Variants in USF3 observed in about 807,000 individuals in gnomAD.
USF3 encodes upstream transcription factor family member 3, also known as basic helix-loop-helix domain-containing protein USF3.
Under a neutral mutation model 157.5 loss-of-function variants are expected in USF3, and 29 were observed. That is an observed-to-expected ratio of 0.18 (90% CI 0.14 to 0.25). The LOEUF (loss-of-function observed/expected upper bound fraction) is 0.25. USF3 is among the 10% of genes least tolerant of loss of function. The pLI, the probability that USF3 is intolerant of heterozygous loss-of-function variation, is 1.00. For synonymous variants in USF3, 893 were observed against 941.4 expected (o/e 0.95, Z 0.94); for missense variants, 2,381 against 2,667.6 (o/e 0.89, Z 2.37).
rs1947344362 is a variant in USF3 at position 113,655,732 on chromosome 3, C to T, written c.5950G>A (p.Asp1984Asn). The T allele has an allele frequency of 1.2e-6, 2 of 1,613,840 alleles. No homozygotes were observed. Among genetic ancestry groups the T allele is most frequent in the Non-Finnish European group, 1.7e-6 (2 of 1,179,942 alleles). The change falls in exon 7 of 7, where the codon GAC becomes AAC. Residue 1984 changes from aspartate to asparagine, a missense_variant. Physicochemically the swap from Asp to Asn is conservative, Grantham distance 23 (BLOSUM62 1). This residue lies in a region of USF3 where 770 missense variants were observed against 824.2 expected (regional missense o/e 0.93). Coordinates refer to ENST00000316407, the MANE Select transcript of USF3 (RefSeq NM_001009899.4). The stretch of plus-strand genomic sequence containing the variant: ...TGACGAATTTTGGAACCACTGCTGT[C>T]TTGCAGGGGATGCCTTGATCTCTGG... ...VPQRSRHPLQ[D>N]SSGSKIRQPE...
chr3:113,683,702 C>T (rs758534927), intron 1 of USF3, among the ~76,000 whole-genome samples: 5 of 151,982 alleles, frequency 3.3e-5, no homozygotes, highest in South Asian at 4.1e-4. Context: ...CTCTTGACCT[C>T]GTGATTTGCC....
chr3:113,694,475 A>G (rs1707758829), intron 1 of USF3, among the ~76,000 whole-genome samples: 1 of 152,220 alleles, frequency 6.6e-6, no homozygotes, highest in African/African-American at 2.4e-5. Flanking sequence ...CTGCTCTTAC[A>G]TCCCTGCAAT....
At position 113,653,837 on chromosome 3, in the gene USF3, T is replaced by G. The variant is rs1456057168; in HGVS notation, c.*1107A>C. The G allele has an allele frequency of 1.3e-5, 2 of 152,090 alleles. No individual in the cohort carries two copies. Among genetic ancestry groups the G allele is most frequent in the Non-Finnish European group, 2.9e-5 (2 of 68,026 alleles). 9.4% of individuals were successfully genotyped at this position (152,090 alleles called of 1,614,324 possible). On this transcript the variant is annotated 3_prime_UTR_variant, in exon 7 of 7. Transcript: ENST00000316407. ...TCTACCAACAAGAAAAATAACAAAT[T>G]CATATTCTCATTATAATTCTGTTAT...
intron 1 of USF3, among the ~76,000 whole-genome samples, chr3:113,688,079 C>T (rs534662827): frequency 6.6e-6 from 1 of 152,068 alleles, no homozygotes; most frequent in African/African-American, 2.4e-5. Flanking sequence ...TCCTCTGTTA[C>T]TGAATGGCCC....
Position 113,659,742 on chromosome 3 carries a change from T to A in USF3, c.1940A>T (p.Asn647Ile). 6.2e-7 allele frequency: 1 copy of A among 1,614,260 alleles called. No individual in the cohort carries two copies. The highest frequency in any genetic ancestry group is 8.5e-7 in the Non-Finnish European group (1 of 1,180,040). ...LPRPSSLSASNSTQTFSVTMS... is the reference protein window; with the variant it reads ...LPRPSSLSASISTQTFSVTMS... ...GGTAACAGAAAAAGTTTGTGTTGAG[T>A]TAGACGCTGATAAAGATGAAGGTCT... The change falls in exon 7 of 7, where the codon AAC becomes ATC. Residue 647 changes from asparagine to isoleucine, a missense_variant. Physicochemically the swap from Asn to Ile is moderately radical, Grantham distance 149. Coordinates refer to ENST00000316407, the MANE Select transcript of USF3 (RefSeq NM_001009899.4).
chr3:113,669,205 T>TGAA (rs907015174), intron 5 of USF3, among the ~76,000 whole-genome samples: 61 of 151,992 alleles, frequency 4.0e-4, no homozygotes, highest in African/African-American at 1.4e-3. Context: ...ATGGAAGGAC[T>TGAA]GAAGAAGAAG....
intron 1 of USF3, among the ~76,000 whole-genome samples, chr3:113,680,610 A>T (rs1465467577): frequency 6.6e-6 from 1 of 152,082 alleles, no homozygotes; most frequent in Admixed American, 6.5e-5. Flanking sequence ...TGAGGAGTTT[A>T]AGACCAGCCT....
chr3:113,649,659 G>A lies in USF3; in HGVS notation c.*5285C>T. 5 of 565,252 alleles carry A rather than the reference G, an allele frequency of 8.8e-6. No homozygotes were observed. In the South Asian group the frequency reaches 1.3e-4, roughly 15 times the overall value. The allele number at this position is 565,252 out of a possible 1,614,324, so 35.0% of individuals were successfully genotyped here. ...GGCCCTTTGCTATAACAGAGGAGTG[G>A]GTGAGTGATATGTTCCAACAGCTGG... On this transcript the variant is annotated 3_prime_UTR_variant, in exon 7 of 7. Coordinates refer to ENST00000316407, the MANE Select transcript of USF3 (RefSeq NM_001009899.4).
At chr3:113,668,527 T>G (rs907271399) in intron 5 of USF3, among the ~76,000 whole-genome samples, 1 of 150,160 alleles carries the variant, frequency 6.7e-6, no homozygotes, top group African/African-American at 2.4e-5. Context: ...AAAACTAGCA[T>G]AGCTTCTAAT....
In USF3 at chr3:113,659,820, T is replaced by C; in HGVS notation, c.1862A>G (p.Asn621Ser). Residue 621 changes from asparagine to serine, a missense_variant, in exon 7 of 7, where the codon AAT becomes AGT. Physicochemically the swap from Asn to Ser is conservative, Grantham distance 46. Transcript: ENST00000316407. ...TCCAAAAGTCTGTGGTGTTGGAACATTTTGCACTGAATTATTAGACCCTAT... is the reference window on the plus strand; with the variant it reads ...TCCAAAAGTCTGTGGTGTTGGAACACTTTGCACTGAATTATTAGACCCTAT... ...TVIGSNNSVQ[N>S]VPTPQTFGGK... 6.2e-7 allele frequency: 1 copy of C among 1,614,182 alleles called. No individual in the cohort carries two copies. The highest frequency in any genetic ancestry group is 8.5e-7 in the Non-Finnish European group (1 of 1,180,022).
chr3:113,686,617 T>C (rs936419780), intron 1 of USF3, among the ~76,000 whole-genome samples: 5 of 152,200 alleles, frequency 3.3e-5, no homozygotes, highest in Admixed American at 6.5e-5. Context: ...ATGTGGATAG[T>C]AGTTCTGCAG....
Position 113,664,321 on chromosome 3 carries a change from T to A in USF3, c.248A>T (p.Asn83Ile), listed in dbSNP as rs563293381. 1 of 1,580,880 alleles carries A rather than the reference T, an allele frequency of 6.3e-7. No individual in the cohort carries two copies. The highest frequency in any genetic ancestry group is 8.7e-7 in the Non-Finnish European group (1 of 1,155,582). ...NDELLLNGGN[N>I]EQAEEIKKLR... ...AACTTTTAAATCTTTACCTTGTTCA[T>A]TGTTTCCTCCATTAAGCAGGAGTTC... The change falls in exon 6 of 7, where the codon AAT becomes ATT. Residue 83 changes from asparagine (N) to isoleucine (I), a missense_variant. Physicochemically the swap from Asn to Ile is moderately radical, Grantham distance 149 (BLOSUM62 -3). Transcript: ENST00000316407.
chr3:113,677,691 A>G (rs1440374652), intron 1 of USF3, among the ~76,000 whole-genome samples: 2 of 152,080 alleles, frequency 1.3e-5, no homozygotes, highest in Non-Finnish European at 2.9e-5. Flanking sequence ...TTAGGTCCTC[A>G]CTAGCTGCTG....
At chr3:113,664,045 T>C (rs1161222804) in intron 6 of USF3, among the ~76,000 whole-genome samples, 4 of 152,190 alleles carry the variant, frequency 2.6e-5, no homozygotes, top group Non-Finnish European at 5.9e-5. Flanking sequence ...GCATTACTAG[T>C]ATCATGAGTT....
intron 5 of USF3, among the ~76,000 whole-genome samples, chr3:113,667,652 A>T (rs141408852): frequency 2.0e-5 from 3 of 152,152 alleles, no homozygotes; most frequent in Admixed American, 6.5e-5. Flanking sequence ...GGATCACTTG[A>T]GGTCAGGAGT....
intron 1 of USF3, among the ~76,000 whole-genome samples, chr3:113,692,919 G>T (rs1197198007): frequency 6.6e-6 from 1 of 152,178 alleles, no homozygotes; most frequent in South Asian, 2.1e-4. Flanking sequence ...TACCTTTACA[G>T]CACAGAGTAA....
In USF3 at chr3:113,658,327, T is replaced by C. The variant is rs182770151; in HGVS notation, c.3355A>G (p.Asn1119Asp). The C allele has an allele frequency of 1.2e-6, 2 of 1,614,190 alleles. No individual in the cohort carries two copies. Among genetic ancestry groups the C allele is most frequent in the African/African-American group, 2.7e-5 (2 of 75,040 alleles). ...ACAAAGGTACAGCTGTCACATGTAT[T>C]AGTTGTTGCATTGCTGGTCACATCT... ...REDVTSNATT[N>D]TCDSCTFVEQ... The change falls in exon 7 of 7, where the codon AAT becomes GAT. Residue 1119 changes from asparagine (N) to aspartate (D), a missense_variant. By Grantham distance (23) the Asn-to-Asp change is conservative. Coordinates refer to ENST00000316407, the MANE Select transcript of USF3 (RefSeq NM_001009899.4).
chr3:113,693,205 G>T (rs936232265), intron 1 of USF3, among the ~76,000 whole-genome samples: 2 of 152,144 alleles, frequency 1.3e-5, no homozygotes, highest in Non-Finnish European at 2.9e-5. Flanking sequence ...ACAATGTTAG[G>T]TCCCAAAAAT....
chr3:113,678,880 A>T (rs1707343337), intron 1 of USF3, among the ~76,000 whole-genome samples: 1 of 151,880 alleles, frequency 6.6e-6, no homozygotes, highest in Non-Finnish European at 1.5e-5. Flanking sequence ...TCAGCCTCCT[A>T]AGCAGCTAGG....
Sources: allele counts gnomAD v4.1 joint callset (sites outside exome capture counted in the v4.1 genomes callset), GRCh38; gene constraint gnomAD v4.1.1; regional missense constraint gnomAD v4.1.1; transcripts MANE v1.5; gene names NCBI Gene and HGNC (gene_info 2026-07-23, HGNC 2026-07-21).